The following BLVRA variants were observed in gnomAD, a reference collection of about 807,000 sequenced individuals.
BLVRA encodes the protein biliverdin reductase A, also known as BVR A.
A neutral mutation model predicts 32.8 loss-of-function variants in BLVRA; 22 were observed. That is an observed-to-expected ratio of 0.67 (90% CI 0.48 to 0.96). The LOEUF (loss-of-function observed/expected upper bound fraction) is 0.96. Ranked by LOEUF, BLVRA falls within the 40% of genes least tolerant of loss-of-function variation. The probability of loss-of-function intolerance (pLI) is 0.00; values close to 1 mark genes in which losing one functional copy is unlikely to be tolerated. For synonymous variants in BLVRA, 119 were observed against 141.3 expected (o/e 0.84, Z 1.12); for missense variants, 323 against 358.1 (o/e 0.90, Z 0.79).
At chr7:43,804,595 T>C (rs190957730) in intron 7 of BLVRA, among the ~76,000 whole-genome samples, 3 of 152,344 alleles carry the variant, frequency 2.0e-5, no homozygotes, top group Non-Finnish European at 2.9e-5. Context: ...ATTAACACTG[T>C]ACATGTTCCC....
chr7:43,786,769 A>C (rs1400062080), intron 2 of BLVRA, among the ~76,000 whole-genome samples: 2 of 152,230 alleles, frequency 1.3e-5, no homozygotes, highest in Non-Finnish European at 2.9e-5. Context: ...TCCTGGAAGG[A>C]GAAGACAAGA....
At chr7:43,790,212 C>G (rs1016506887) in intron 3 of BLVRA, among the ~76,000 whole-genome samples, 1 of 152,074 alleles carries the variant, frequency 6.6e-6, no homozygotes, top group Non-Finnish European at 1.5e-5. Context: ...CCAGCCGCTG[C>G]ACTGGGAGGT....
intron 2 of BLVRA, among the ~76,000 whole-genome samples, chr7:43,782,159 A>G (rs1442401864): frequency 1.3e-5 from 2 of 152,204 alleles, no homozygotes; most frequent in Admixed American, 6.5e-5. Flanking sequence ...ATCTTCACTA[A>G]TTATCAGTTG....
chr7:43,806,603 C>T (rs1261337938), intron 7 of BLVRA, among the ~76,000 whole-genome samples: 1 of 152,032 alleles, frequency 6.6e-6, no homozygotes, highest in Admixed American at 6.6e-5. Context: ...TAAAAAGTAG[C>T]CAGGCATGGT....
chr7:43,799,056 A>T (rs988837228), intron 5 of BLVRA, among the ~76,000 whole-genome samples: 2 of 152,164 alleles, frequency 1.3e-5, no homozygotes, highest in African/African-American at 4.8e-5. Flanking sequence ...TGTGCCATTT[A>T]GTTGTTGCAA....
chr7:43,767,930 G>A (rs2095750022), intron 1 of BLVRA, among the ~76,000 whole-genome samples: 1 of 152,120 alleles, frequency 6.6e-6, no homozygotes, highest in South Asian at 2.1e-4. Context: ...AATGTAGTTT[G>A]GGGGCTGGAG....
chr7:43,786,323 TA>T (rs199762989), intron 2 of BLVRA, among the ~76,000 whole-genome samples: 1 of 151,814 alleles, frequency 6.6e-6, no homozygotes, highest in African/African-American at 2.4e-5. Context: ...AGGGGTCAAT[TA>T]AAAAAAAGGA....
At chr7:43,769,379 C>G (rs1417575480) in intron 1 of BLVRA, among the ~76,000 whole-genome samples, 1 of 152,106 alleles carries the variant, frequency 6.6e-6, no homozygotes, top group African/African-American at 2.4e-5. Flanking sequence ...TACTGCCTCC[C>G]CAGGATCTGA....
At chr7:43,789,269 G>A (rs2095782426) in intron 3 of BLVRA, among the ~76,000 whole-genome samples, 2 of 152,188 alleles carry the variant, frequency 1.3e-5, no homozygotes, top group African/African-American at 4.8e-5. Flanking sequence ...TTTACACAAA[G>A]CATAAGTAAC....
Position 43,806,998 on chromosome 7 carries a change from A to T in BLVRA, c.654A>T (p.Glu218Asp). The T allele has an allele frequency of 6.2e-7, 1 of 1,614,138 alleles. No individual in the cohort carries two copies. The highest frequency in any genetic ancestry group is 8.5e-7 in the Non-Finnish European group (1 of 1,180,014). The change falls in exon 8 of 8, where the codon GAA becomes GAT. Residue 218 changes from glutamate (E) to aspartate (D), a missense_variant. Coordinates refer to ENST00000265523, the MANE Select transcript of BLVRA (RefSeq NM_000712.4). ...EKKSPLSWIE[E>D]KGPGLKRNRY... The stretch of plus-strand genomic sequence containing the variant: ...GCAGTCCACTGTCATGGATTGAAGA[A>T]AAAGGACCTGGTCTAAAACGAAACA...
At chr7:43,803,605 C>A in intron 6 of BLVRA, 71 bp from the exon 7 acceptor site, 4 of 1,303,870 alleles carry the variant, frequency 3.1e-6, no homozygotes, top group South Asian at 2.3e-5. Flanking sequence ...CCGCCACCCC[C>A]ACCCCCCTGT....
At chr7:43,764,040 C>T (rs2095745195) in intron 1 of BLVRA, among the ~76,000 whole-genome samples, 1 of 152,212 alleles carries the variant, frequency 6.6e-6, no homozygotes, top group Non-Finnish European at 1.5e-5. Context: ...AAATCTCGAT[C>T]TGCTGAAGAA....
At chr7:43,776,150 GC>G (rs1353591033) in intron 2 of BLVRA, among the ~76,000 whole-genome samples, 1 of 151,952 alleles carries the variant, frequency 6.6e-6, no homozygotes, top group East Asian at 1.9e-4. Flanking sequence ...CTTCAATTCT[GC>G]TCTGATTTTA....
chr7:43,800,439 T>C (rs980601342), intron 5 of BLVRA, 26 bp from the exon 6 acceptor site: 2 of 1,608,908 alleles, frequency 1.2e-6, no homozygotes, highest in African/African-American at 2.7e-5. Flanking sequence ...ACGACTGCCC[T>C]TTTTATTCCA....
chr7:43,777,054 T>C (rs1301446591), intron 2 of BLVRA, among the ~76,000 whole-genome samples: 4 of 150,666 alleles, frequency 2.7e-5, no homozygotes, highest in African/African-American at 9.7e-5. Flanking sequence ...GTGAGATGGG[T>C]TTCCTGAATA....
intron 1 of BLVRA, among the ~76,000 whole-genome samples, chr7:43,770,912 A>C (rs887963220): frequency 1.2e-4 from 19 of 152,188 alleles, no homozygotes; most frequent in African/African-American, 4.6e-4. Context: ...TTCTCTAAGG[A>C]AGCATTGCTG....
At position 43,790,526 on chromosome 7, in the gene BLVRA, G is replaced by A. The variant is rs571382979; in HGVS notation, c.135-723G>A. 4.6e-3 allele frequency among the ~76,000 whole-genome samples: 701 copies of A among 152,204 alleles called. 3 individuals are homozygous for A. The highest frequency in any genetic ancestry group is 7.5e-3 in the Non-Finnish European group (509 of 68,020). On this transcript the variant is annotated intron_variant, in intron 3 of 7. Coordinates refer to ENST00000265523, the MANE Select transcript of BLVRA (RefSeq NM_000712.4). Reference sequence around the variant, plus strand: ...CGTTAGCTTAGCTATAAAGTAGCTCGAAGTCGCATGCCAGTTTGCACCCTA... The same window carrying A: ...CGTTAGCTTAGCTATAAAGTAGCTCAAAGTCGCATGCCAGTTTGCACCCTA...
chr7:43,771,584 C>T (rs2095754674), intron 2 of BLVRA, among the ~76,000 whole-genome samples: 1 of 152,198 alleles, frequency 6.6e-6, no homozygotes, highest in Non-Finnish European at 1.5e-5. Flanking sequence ...TTTTGTTTTA[C>T]CCATCAGCCC....
chr7:43,788,041 T>C lies in BLVRA; in HGVS notation c.134+16T>C. On this transcript the variant is annotated intron_variant, in intron 3 of 7. Transcript: ENST00000265523. ...TCGTGTCGAGGTGGCTCACAATGTC[T>C]TTGTGCTTCATAATTCATGGAAAGC... is the stretch of plus-strand genomic sequence containing the variant. 4 of 1,614,194 alleles carry C rather than the reference T, an allele frequency of 2.5e-6. No homozygotes were observed. Among genetic ancestry groups the C allele is most frequent in the Non-Finnish European group, 3.4e-6 (4 of 1,180,022 alleles).
Sources: allele counts gnomAD v4.1 joint callset (sites outside exome capture counted in the v4.1 genomes callset), GRCh38; gene constraint gnomAD v4.1.1; transcripts MANE v1.5; gene names NCBI Gene and HGNC (gene_info 2026-07-23, HGNC 2026-07-21).